Variants in PCDHA5 observed in about 807,000 individuals in gnomAD.
The protein encoded by PCDHA5 is protocadherin alpha 5, also known as protocadherin alpha-5.
A neutral mutation model predicts 61.6 loss-of-function variants in PCDHA5; 43 were observed. That is an observed-to-expected ratio of 0.70 (90% CI 0.55 to 0.90). The LOEUF is 0.90. Ranked by LOEUF, PCDHA5 falls within the 40% of genes least tolerant of loss-of-function variation. The pLI is 0.00. For missense variants in PCDHA5, 1,298 were observed against 1,222.7 expected, an observed-to-expected ratio of 1.06 and a Z score of -0.92; for synonymous variants, 627 against 543.9, an observed-to-expected ratio of 1.15 and a Z score of -2.13.
rs1340141507 is a variant in PCDHA5, at chr5:140,939,833, CTTG to C, written c.2353-39108_2353-39106del. 2.6e-5 allele frequency among the ~76,000 whole-genome samples: 4 copies of C among 152,224 alleles called. No individual in the cohort carries two copies. The East Asian group carries it at 7.7e-4, about 29-fold the overall frequency. ...AAGAAAAAGCAGTATTCTGACATTG[CTTG>C]TTGTTGTGTTCTGTATATGTCCATT... On this transcript the variant is annotated intron_variant, in intron 1 of 3. Transcript: ENST00000529859.
chr5:140,922,409 C>A (rs1335922543), intron 1 of PCDHA5, among the ~76,000 whole-genome samples: 2 of 152,154 alleles, frequency 1.3e-5, no homozygotes, highest in Non-Finnish European at 2.9e-5. Context: ...TTAAAAAGAT[C>A]TAGGTACAGA....
chr5:140,877,501 A>G lies in PCDHA5; in HGVS notation c.2352+53374A>G, dbSNP rs2057165784. On this transcript the variant is annotated intron_variant, in intron 1 of 3. Coordinates refer to ENST00000529859, the MANE Select transcript of PCDHA5 (RefSeq NM_018908.3). ...GCTGGTGGAGAACGGCCAGGCCCCA[A>G]AGACGTCGTCGCGGGCCTCAGTGGG... 3.1e-6 allele frequency: 5 copies of G among 1,613,804 alleles called. No homozygotes were observed. In the East Asian group the frequency reaches 1.1e-4, roughly 36 times the overall value.
intron 1 of PCDHA5, chr5:140,863,140 C>T: frequency 1.6e-6 from 1 of 606,732 alleles, no homozygotes; most frequent in Non-Finnish European, 3.2e-6. Flanking sequence ...CCTGCTGGTG[C>T]TGGTGAAGGA....
chr5:140,931,683 A>G (rs1482331530), intron 1 of PCDHA5, among the ~76,000 whole-genome samples: 2 of 151,950 alleles, frequency 1.3e-5, no homozygotes, highest in African/African-American at 4.8e-5. Flanking sequence ...AAATAAATGA[A>G]TTGTGATTCA....
At chr5:140,855,357 A>C (rs2043441484) in intron 1 of PCDHA5, among the ~76,000 whole-genome samples, 1 of 150,032 alleles carries the variant, frequency 6.7e-6, no homozygotes, top group South Asian at 2.1e-4. Context: ...TCATGTGGCT[A>C]GTGAGTAGGA....
In PCDHA5 at chr5:140,822,417, T is replaced by A. The variant is rs17844289; in HGVS notation, c.642T>A (p.Thr214=). 9.3e-6 allele frequency: 15 copies of A among 1,614,062 alleles called. No homozygotes were observed. Among genetic ancestry groups the A allele is most frequent in the Non-Finnish European group, 1.3e-5 (15 of 1,180,024 alleles). Residue 214 remains threonine, a synonymous_variant, in exon 1 of 4, where the codon ACT becomes ACA. Coordinates refer to ENST00000529859, the MANE Select transcript of PCDHA5 (RefSeq NM_018908.3). ...AACACCGTTTATTAGTGATTGCAAC[T>A]GATGGAGGAAAACCCGAACTAACAG... ...TQEHRLLVIA[T]DGGKPELTGT... is the part of the protein sequence containing the mutation.
intron 1 of PCDHA5, chr5:140,836,475 G>A: frequency 6.2e-7 from 1 of 1,613,846 alleles, no homozygotes; most frequent in Non-Finnish European, 8.5e-7. Context: ...GGATGTCAAC[G>A]TGTACCTGAT....
chr5:140,868,956 C>T (rs2050758654), intron 1 of PCDHA5: 9 of 1,367,630 alleles, frequency 6.6e-6, no homozygotes, highest in Non-Finnish European at 7.9e-6. Flanking sequence ...GAGGCACTCC[C>T]ATACAAAGGA....
At chr5:140,858,143 A>G in intron 1 of PCDHA5, 2 of 1,597,218 alleles carry the variant, frequency 1.3e-6, no homozygotes, top group Non-Finnish European at 1.7e-6. Flanking sequence ...CGTGTACCTG[A>G]TCATCGCCAT....
chr5:140,957,883 A>C (rs1413437105), intron 1 of PCDHA5, among the ~76,000 whole-genome samples: 1 of 152,098 alleles, frequency 6.6e-6, no homozygotes. Flanking sequence ...TGAAAAGCTG[A>C]AGTTGGCATC....
chr5:140,862,720 G>T (rs558152493), intron 1 of PCDHA5: 18 of 566,048 alleles, frequency 3.2e-5, no homozygotes, highest in Non-Finnish European at 6.2e-5. Flanking sequence ...GGGCGAGTGC[G>T]CGCTGTCTAG....
At chr5:140,986,044 G>A (rs1261726247) in intron 3 of PCDHA5, among the ~76,000 whole-genome samples, 4 of 152,078 alleles carry the variant, frequency 2.6e-5, no homozygotes, top group African/African-American at 9.7e-5. Flanking sequence ...TGGCCTCACT[G>A]ATGAATTCTT....
In PCDHA5 at chr5:141,010,797, AC is replaced by A. The variant is rs1329759215; in HGVS notation, c.*864del. Reference sequence around the variant, plus strand: ...AATACTTATGCAAAAGCAAAAGAAAACCCCGACACCTCACCTTTCGCTGTTT... The same window carrying A: ...AATACTTATGCAAAAGCAAAAGAAAACCCGACACCTCACCTTTCGCTGTTT... On this transcript the variant is annotated 3_prime_UTR_variant, in exon 4 of 4. Transcript: ENST00000529859. The A allele has an allele frequency of 6.5e-6, 1 of 153,778 alleles. No homozygotes were observed. The highest frequency in any genetic ancestry group is 2.4e-5 in the African/African-American group (1 of 41,460). 9.5% of individuals were successfully genotyped at this position (153,778 alleles called of 1,614,324 possible).
chr5:140,981,895 G>A (rs2153826767), intron 2 of PCDHA5, among the ~76,000 whole-genome samples: 1 of 152,252 alleles, frequency 6.6e-6, no homozygotes, highest in East Asian at 1.9e-4. Flanking sequence ...TCTGAGCGGG[G>A]ATCTGTGAGT....
intron 1 of PCDHA5, chr5:140,827,994 C>G: frequency 6.8e-7 from 1 of 1,473,020 alleles, no homozygotes; most frequent in Non-Finnish European, 9.1e-7. Flanking sequence ...TGAATGATGG[C>G]GGACGCAGAA....
chr5:140,864,629 A>G (rs2048549336), intron 1 of PCDHA5: 1 of 152,244 alleles, frequency 6.6e-6, no homozygotes, highest in Non-Finnish European at 1.5e-5. Context: ...TAAAAAGAAA[A>G]CAAAACAAAA....
chr5:140,939,803 T>C (rs2092462819), intron 1 of PCDHA5, among the ~76,000 whole-genome samples: 1 of 152,228 alleles, frequency 6.6e-6, no homozygotes, highest in African/African-American at 2.4e-5. Flanking sequence ...ATGTTCTGCA[T>C]GTTCAAGAAA....
chr5:140,830,131 A>T (rs146220689), intron 1 of PCDHA5: 782 of 1,613,064 alleles, frequency 4.8e-4, no homozygotes, highest in Non-Finnish European at 6.4e-4. Context: ...AGGCGTCATC[A>T]CGGGCGTCGG....
Position 140,855,858 on chromosome 5 carries a change from G to A in PCDHA5, c.2352+31731G>A, listed in dbSNP as rs1203638572. 5 of 715,820 alleles carry A rather than the reference G, an allele frequency of 7.0e-6. 1 individual carries two copies. Among genetic ancestry groups the A allele is most frequent in the Non-Finnish European group, 1.1e-5 (5 of 445,056 alleles). The allele number at this position is 715,820 out of a possible 1,614,324, so 44.3% of individuals were successfully genotyped here. A position where few individuals can be genotyped will look rare whatever the true frequency, so the allele number is the denominator to read the frequency against. On this transcript the variant is annotated intron_variant, in intron 1 of 3. Coordinates refer to ENST00000529859, the MANE Select transcript of PCDHA5 (RefSeq NM_018908.3). ...CTTACACCTAAAGCCACCGGATGTC[G>A]CTGTCGTCCACAAAATAGCTTTTTA...
Sources: gnomAD v4.1 joint callset for allele counts (sites outside exome capture counted in the v4.1 genomes callset) on GRCh38, gnomAD v4.1.1 for gene constraint, MANE v1.5 for transcripts, NCBI Gene and HGNC (gene_info 2026-07-23, HGNC 2026-07-21) for gene names.